Variants in C19orf12 observed in about 807,000 individuals in gnomAD.
C19orf12 encodes chromosome 19 open reading frame 12.
C19orf12 carries 2 observed loss-of-function variants against 3.8 expected under a neutral mutation model. The ratio of observed to expected loss-of-function variants is 0.53; its 90% confidence interval spans 0.22 to 1.66. The LOEUF (loss-of-function observed/expected upper bound fraction) is 1.66, where lower values mean the gene tolerates loss of function less well. Ranked by LOEUF, C19orf12 falls within the 40% of genes most tolerant of loss-of-function variation. The pLI, the probability that C19orf12 is intolerant of heterozygous loss-of-function variation, is 0.20. For missense variants in C19orf12, 156 were observed against 188.8 expected (o/e 0.83, Z 1.02); for synonymous variants, 89 against 84.6 (o/e 1.05, Z -0.28).
At chr19:29,713,754 C>T (rs1733701202) in intron 1 of C19orf12, among the ~76,000 whole-genome samples, 1 of 152,038 alleles carries the variant, frequency 6.6e-6, no homozygotes, top group Admixed American at 6.5e-5. Context: ...ATCAGAAGAC[C>T]AGATCACATT....
intron 2 of C19orf12, among the ~76,000 whole-genome samples, chr19:29,705,705 C>CG (rs1972344268): frequency 6.6e-6 from 1 of 151,600 alleles, no homozygotes; most frequent in Non-Finnish European, 1.5e-5. Flanking sequence ...TTCGTAGAGA[C>CG]GGGGTCTCAT....
rs1972076022 is a variant in C19orf12, at chr19:29,701,406, A to G, written c.*1306T>C. ...AAATCATCTCTAGATTTCTTATAAT[A>G]CCAAATACAATATAAATGCTATGTA... On this transcript the variant is annotated 3_prime_UTR_variant, in exon 3 of 3. Transcript: ENST00000323670. 2.2e-6 allele frequency: 1 copy of G among 454,054 alleles called. No homozygotes were observed. The highest frequency in any genetic ancestry group is 4.4e-6 in the Non-Finnish European group (1 of 226,816). 28.1% of individuals were successfully genotyped at this position (454,054 alleles called of 1,614,324 possible).
At chr19:29,714,525 A>G (rs1375943848) in intron 1 of C19orf12, among the ~76,000 whole-genome samples, 1 of 152,042 alleles carries the variant, frequency 6.6e-6, no homozygotes. Context: ...GCCATCCCCA[A>G]AACTAATCTC....
chr19:29,702,865 T>A lies in C19orf12; in HGVS notation c.273A>T (p.Glu91Asp), dbSNP rs1215804211. 1 of 1,614,016 alleles carries A rather than the reference T, an allele frequency of 6.2e-7. No homozygotes were observed. Among genetic ancestry groups the A allele is most frequent in the African/African-American group, 1.3e-5 (1 of 74,908 alleles). ...CCAGGTGCCTGATGATGGCTGCGGCTTCGTTAAAGAGCCTCTGTTGCTCGG... is the reference window on the plus strand; with the variant it reads ...CCAGGTGCCTGATGATGGCTGCGGCATCGTTAAAGAGCCTCTGTTGCTCGG... ...PPAEQQRLFN[E>D]AAAIIRHLEW... The change falls in exon 3 of 3, where the codon GAA (glutamate) becomes GAT (aspartate). Residue 91 changes from glutamate (E) to aspartate (D), a missense_variant. Transcript: ENST00000323670.
chr19:29,700,727 T>C lies in C19orf12; in HGVS notation c.*1985A>G, dbSNP rs1455794807. ...ACGAGGCCAGCAGAAGAGCAATCGC[T>C]CTGCAAGAGAAAGGCTCGGCCCTTC... On this transcript the variant is annotated 3_prime_UTR_variant, in exon 3 of 3. Coordinates refer to ENST00000323670, the MANE Select transcript of C19orf12 (RefSeq NM_031448.6). 6.6e-6 allele frequency: 3 copies of C among 454,120 alleles called. No individual in the cohort carries two copies. The highest frequency in any genetic ancestry group is 2.0e-5 in the African/African-American group (1 of 50,120). The allele number at this position is 454,120 out of a possible 1,614,324, so 28.1% of individuals were successfully genotyped here. A position where few individuals can be genotyped will look rare whatever the true frequency, so the allele number is the denominator to read the frequency against.
In C19orf12 at chr19:29,702,561, G is replaced by A. The variant is rs779233489; in HGVS notation, c.*151C>T. On this transcript the variant is annotated 3_prime_UTR_variant, in exon 3 of 3. Coordinates refer to ENST00000323670, the MANE Select transcript of C19orf12 (RefSeq NM_031448.6). ...TTTCTGGAACATGACACTGCACAGC[G>A]GTGGCCTCTCCAGCGGGACATTACT... The A allele has an allele frequency of 4.8e-5, 50 of 1,032,180 alleles. No homozygotes were observed. Among genetic ancestry groups the A allele is most frequent in the East Asian group, 1.2e-4 (5 of 40,754 alleles). The allele number at this position is 1,032,180 out of a possible 1,614,324, so 63.9% of individuals were successfully genotyped here. A position where few individuals can be genotyped will look rare whatever the true frequency, so the allele number is the denominator to read the frequency against.
rs76746960 is a variant in C19orf12, at chr19:29,700,339, C to T, written c.*2373G>A. On this transcript the variant is annotated 3_prime_UTR_variant, in exon 3 of 3. Coordinates refer to ENST00000323670, the MANE Select transcript of C19orf12 (RefSeq NM_031448.6). ...TCAACATGGAAAAAGTGTCCCCCAA[C>T]TTTGAAGCACTGAACCAAACATCTT... 2.2e-5 allele frequency: 10 copies of T among 454,018 alleles called. No individual in the cohort carries two copies. Among genetic ancestry groups the T allele is most frequent in the African/African-American group, 1.8e-4 (9 of 50,008 alleles). The allele number at this position is 454,018 out of a possible 1,614,324, so 28.1% of individuals were successfully genotyped here.
intron 1 of C19orf12, among the ~76,000 whole-genome samples, chr19:29,713,906 CAG>C (rs1224388135): frequency 2.6e-5 from 4 of 151,782 alleles, no homozygotes; most frequent in African/African-American, 9.7e-5. Flanking sequence ...GATCAATAAA[CAG>C]ATCACTTCAA....
At chr19:29,713,301 C>A (rs1171136692) in intron 1 of C19orf12, among the ~76,000 whole-genome samples, 1 of 152,074 alleles carries the variant, frequency 6.6e-6, no homozygotes, top group Non-Finnish European at 1.5e-5. Context: ...GATTTATCCA[C>A]ATACCAGGCC....
At chr19:29,710,259 C>T (rs1253299168) in intron 1 of C19orf12, among the ~76,000 whole-genome samples, 1 of 152,124 alleles carries the variant, frequency 6.6e-6, no homozygotes, top group Non-Finnish European at 1.5e-5. Flanking sequence ...ATTTTGAGCC[C>T]AGAGAACAAA....
chr19:29,711,070 T>C (rs1972648487), intron 1 of C19orf12, among the ~76,000 whole-genome samples: 2 of 128,070 alleles, frequency 1.6e-5, no homozygotes, highest in Non-Finnish European at 3.1e-5. Context: ...AGACAGAGTC[T>C]GCTCCGTCAC....
At chr19:29,708,068 G>A (rs539052045) in intron 2 of C19orf12, among the ~76,000 whole-genome samples, 186 bp downstream of exon 2, 62 of 152,018 alleles carry the variant, frequency 4.1e-4, no homozygotes, top group African/African-American at 1.1e-3. Flanking sequence ...TAGTAGAGAC[G>A]GGGTTTCACC....
intron 1 of C19orf12, 37 bp from the exon 2 acceptor site, chr19:29,708,460 G>C (rs1317268231): frequency 6.2e-7 from 1 of 1,607,808 alleles, no homozygotes; most frequent in Non-Finnish European, 8.5e-7. Flanking sequence ...GTTTCAATGA[G>C]CATAAGAGTA....
chr19:29,708,318 G>C lies in C19orf12; in HGVS notation c.96C>G (p.Ala32=). Residue 32 remains alanine (A), a synonymous_variant, in exon 2 of 3, where the codon GCC becomes GCG. Transcript: ENST00000323670. The stretch of plus-strand genomic sequence containing the variant: ...CGAAGGCCATGGCCCCTGTGACCAG[G>C]GCACCCTTCCCAGAGTGCTTGACAG... ...KAAVKHSGKG[A]LVTGAMAFVG... is the part of the protein sequence containing the mutation. 6.2e-7 allele frequency: 1 copy of C among 1,613,976 alleles called. No individual in the cohort carries two copies. Among genetic ancestry groups the C allele is most frequent in the Non-Finnish European group, 8.5e-7 (1 of 1,180,016 alleles).
chr19:29,715,375 G>A, upstream of C19orf12: 2 of 395,212 alleles, frequency 5.1e-6, no homozygotes, highest in South Asian at 1.7e-5. Flanking sequence ...GGGGGTCGCT[G>A]CTGGGCACCC....
Position 29,708,381 on chromosome 19 carries a change from C to A in C19orf12, c.33G>T (p.Leu11=). 1 of 1,614,122 alleles carries A rather than the reference C, an allele frequency of 6.2e-7. No homozygotes were observed. Among genetic ancestry groups the A allele is most frequent in the Non-Finnish European group, 8.5e-7 (1 of 1,180,032 alleles). ...TCCTCTCCCCAGAAAGGGAGCACAG[C>A]AGCTTCATGATGTCCTCCACCATGA... The part of the protein sequence containing the change: MTIMVEDIMK[L]LCSLSGERKM... The change falls in exon 2 of 3, where the codon CTG becomes CTT. Residue 11 remains leucine (L), a synonymous_variant. Coordinates refer to ENST00000323670, the MANE Select transcript of C19orf12 (RefSeq NM_031448.6).
chr19:29,709,434 C>A (rs1202936433), intron 1 of C19orf12, among the ~76,000 whole-genome samples: 1 of 152,210 alleles, frequency 6.6e-6, no homozygotes, highest in African/African-American at 2.4e-5. Flanking sequence ...CCCTTTCTCA[C>A]CAGCACTTCC....
Position 29,702,277 on chromosome 19 carries a change from G to C in C19orf12, c.*435C>G. Reference sequence around the variant, plus strand: ...CCCTGAGACCCCAGGACCTGCAGGGGGGTGGGATCCAGTCCTGCAGCAGGT... The same window carrying C: ...CCCTGAGACCCCAGGACCTGCAGGGCGGTGGGATCCAGTCCTGCAGCAGGT... On this transcript the variant is annotated 3_prime_UTR_variant, in exon 3 of 3. Coordinates refer to ENST00000323670, the MANE Select transcript of C19orf12 (RefSeq NM_031448.6). The C allele has an allele frequency of 2.2e-6, 1 of 457,852 alleles. No homozygotes were observed. The highest frequency in any genetic ancestry group is 4.4e-6 in the Non-Finnish European group (1 of 229,502). The allele number at this position is 457,852 out of a possible 1,614,324, so 28.4% of individuals were successfully genotyped here.
chr19:29,712,954 TA>T (rs1972762053), intron 1 of C19orf12, among the ~76,000 whole-genome samples: 1 of 152,234 alleles, frequency 6.6e-6, no homozygotes, highest in South Asian at 2.1e-4. Context: ...TGTGTTTTAA[TA>T]GTCCAGCACC....
Sources: gnomAD v4.1 joint callset for allele counts (sites outside exome capture counted in the v4.1 genomes callset) on GRCh38, gnomAD v4.1.1 for gene constraint, MANE v1.5 for transcripts, NCBI Gene and HGNC (gene_info 2026-07-23, HGNC 2026-07-21) for gene names.